The following OSBPL10 variants were observed in gnomAD, a reference collection of about 807,000 sequenced individuals.
The protein encoded by OSBPL10 is oxysterol-binding protein-related protein 10.
OSBPL10 carries 49 observed loss-of-function variants against 81.7 expected under a neutral mutation model. The observed-to-expected ratio is 0.60, with a 90% CI of 0.48 to 0.76. The LOEUF (loss-of-function observed/expected upper bound fraction) is 0.76, where lower values mean the gene tolerates loss of function less well. Among genes scored for constraint, OSBPL10 ranks in the 30% least tolerant of loss-of-function variants. OSBPL10 has a pLI of 0.00. For missense variants in OSBPL10, 923 were observed against 987.8 expected, an observed-to-expected ratio of 0.93 and a Z score of 0.88; for synonymous variants, 419 against 383.6, an observed-to-expected ratio of 1.09 and a Z score of -1.08.
At position 31,835,635 on chromosome 3, in the gene OSBPL10, C is replaced by A. The variant is rs568835973; in HGVS notation, c.538-5404G>T. On this transcript the variant is annotated intron_variant, in intron 3 of 11. Transcript: ENST00000396556. ...TCACAGCAAGGAGGAAAAAAAGATA[C>A]TATATTTCAGAAAAAAATAGCCCAA... Among the ~76,000 whole-genome samples, 27 of 152,172 alleles carry A rather than the reference C, an allele frequency of 1.8e-4. No individual in the cohort carries two copies. The South Asian group carries it at 5.4e-3, about 30-fold the overall frequency.
chr3:31,767,554 C>T (rs952394893), intron 4 of OSBPL10, among the ~76,000 whole-genome samples: 5 of 147,914 alleles, frequency 3.4e-5, no homozygotes, highest in Non-Finnish European at 6.0e-5. Flanking sequence ...TTCATGAAGC[C>T]TTCCTTATCT....
chr3:31,939,431 C>T (rs987786216), intron 1 of OSBPL10, among the ~76,000 whole-genome samples: 13 of 151,762 alleles, frequency 8.6e-5, no homozygotes, highest in East Asian at 5.8e-4. Context: ...GCATGAGTCA[C>T]CACACCTGGC....
chr3:31,921,688 C>G (rs954355910), intron 1 of OSBPL10, among the ~76,000 whole-genome samples: 1 of 152,176 alleles, frequency 6.6e-6, no homozygotes, highest in Non-Finnish European at 1.5e-5. Context: ...TAAAACCATT[C>G]CCTCAAGAAG....
rs140324811 is a variant in OSBPL10 at position 31,970,544 on chromosome 3, G to T, written c.281+10355C>A. Among the ~76,000 whole-genome samples the T allele has an allele frequency of 5.0e-3, 763 of 152,284 alleles. 7 individuals are homozygous for T. The Middle Eastern group carries it at 0.054, about 11-fold the overall frequency. ...CCATCCTAGTTGCAAGGAGGGGGAG[G>T]GATGAAAATACAGTTTTATTTTTGA... On this transcript the variant is annotated intron_variant, in intron 1 of 11. Transcript: ENST00000396556.
chr3:32,009,456 C>A (rs755802244), intron 2 of OSBPL10, among the ~76,000 whole-genome samples: 3 of 152,150 alleles, frequency 2.0e-5, no homozygotes, highest in Non-Finnish European at 4.4e-5. Context: ...GTGTCCTTAT[C>A]TATAAAATGA....
intron 4 of OSBPL10, among the ~76,000 whole-genome samples, chr3:31,780,072 C>CTCGTG (rs1193370808): frequency 2.8e-4 from 43 of 152,236 alleles, no homozygotes; most frequent in African/African-American, 1.0e-3. Context: ...GCAGGTGGAT[C>CTCGTG]ATGAGGTCAG....
At chr3:31,922,706 G>T (rs1157191095) in intron 1 of OSBPL10, among the ~76,000 whole-genome samples, 2 of 152,076 alleles carry the variant, frequency 1.3e-5, no homozygotes, top group South Asian at 4.2e-4. Flanking sequence ...GGAAAGAGAA[G>T]AAAGGCAGGA....
chr3:31,867,440 C>T (rs1701207206), intron 3 of OSBPL10, among the ~76,000 whole-genome samples: 1 of 152,118 alleles, frequency 6.6e-6, no homozygotes, highest in Non-Finnish European at 1.5e-5. Flanking sequence ...CCACTTGGAG[C>T]TAATCAAGAA....
chr3:31,796,668 C>T (rs1023141980), intron 4 of OSBPL10, among the ~76,000 whole-genome samples: 10 of 152,160 alleles, frequency 6.6e-5, no homozygotes, highest in African/African-American at 2.4e-4. Context: ...TTAGCAGCAT[C>T]CACGGCCTCT....
chr3:31,898,950 CCTTTTTTT>C (rs1696146027), intron 1 of OSBPL10, among the ~76,000 whole-genome samples: 1 of 111,300 alleles, frequency 9.0e-6, no homozygotes, highest in Non-Finnish European at 1.8e-5. Context: ...TAACTTTAAA[CCTTTTTTT>C]TTTTTTTTTT....
chr3:31,761,917 T>A, intron 4 of OSBPL10, among the ~76,000 whole-genome samples: 1 of 146,610 alleles, frequency 6.8e-6, no homozygotes, highest in Non-Finnish European at 1.5e-5. Flanking sequence ...CACATGGGGG[T>A]GTGATGGTAC....
chr3:31,772,421 T>G (rs1361264720), intron 4 of OSBPL10, among the ~76,000 whole-genome samples: 1 of 152,220 alleles, frequency 6.6e-6, no homozygotes, highest in African/African-American at 2.4e-5. Flanking sequence ...GTGTGGGTGT[T>G]TCTCACAAAG....
intron 1 of OSBPL10, among the ~76,000 whole-genome samples, chr3:31,894,699 C>T (rs1696002824): frequency 6.6e-6 from 1 of 152,166 alleles, no homozygotes; most frequent in Admixed American, 6.5e-5. Context: ...TGGGTTGAAG[C>T]CAGGATCTGA....
intron 2 of OSBPL10, chr3:31,990,983 C>T: frequency 1.3e-6 from 2 of 1,560,356 alleles, no homozygotes; most frequent in Non-Finnish European, 1.7e-6. Context: ...AGTTAGAGGT[C>T]ACTCCTTGCA....
chr3:31,992,978 A>G (rs1699050038), intron 2 of OSBPL10, among the ~76,000 whole-genome samples: 1 of 152,104 alleles, frequency 6.6e-6, no homozygotes, highest in African/African-American at 2.4e-5. Flanking sequence ...ACTCCAGCCC[A>G]GGCAATAGAG....
intron 4 of OSBPL10, among the ~76,000 whole-genome samples, chr3:31,753,445 A>C (rs182991308): frequency 6.6e-6 from 1 of 152,254 alleles, no homozygotes; most frequent in Non-Finnish European, 1.5e-5. Flanking sequence ...GCAGCCTCAC[A>C]AAGTGCTGGG....
intron 1 of OSBPL10, among the ~76,000 whole-genome samples, chr3:31,927,407 T>G (rs1447969746): frequency 6.6e-6 from 1 of 152,178 alleles, no homozygotes; most frequent in African/African-American, 2.4e-5. Context: ...TAAGCTAGCT[T>G]CCCTAGTACA....
intron 6 of OSBPL10, among the ~76,000 whole-genome samples, chr3:31,706,005 G>T (rs118128891): frequency 6.6e-6 from 1 of 152,160 alleles, no homozygotes; most frequent in East Asian, 1.9e-4. Flanking sequence ...AAGATAAAAT[G>T]GAATTAAAAT....
intron 1 of OSBPL10, among the ~76,000 whole-genome samples, chr3:31,886,855 G>T (rs1018208491): frequency 6.6e-6 from 1 of 151,932 alleles, no homozygotes; most frequent in Non-Finnish European, 1.5e-5. Flanking sequence ...CAGAAGAATC[G>T]CTGGAACCCA....
Sources: allele counts gnomAD v4.1 joint callset (sites outside exome capture counted in the v4.1 genomes callset), GRCh38; gene constraint gnomAD v4.1.1; transcripts MANE v1.5; gene names NCBI Gene and HGNC (gene_info 2026-07-23, HGNC 2026-07-21).